FRY: variants seen among roughly 807,000 people sequenced by gnomAD.
The protein encoded by FRY is protein furry homolog.
In FRY, 128 loss-of-function variants were observed where a neutral mutation model predicts 348.4. The ratio of observed to expected loss-of-function variants is 0.37; its 90% CI spans 0.32 to 0.43. The LOEUF (loss-of-function observed/expected upper bound fraction) is 0.43, where lower values mean the gene tolerates loss of function less well. Ranked by LOEUF, FRY falls within the 20% of genes least tolerant of loss-of-function variation. The pLI, the probability that FRY is intolerant of heterozygous loss-of-function variation, is 1.00. For synonymous variants in FRY, 1,370 were observed against 1,374.7 expected, an observed-to-expected ratio of 1.00 and a Z score of 0.08; for missense variants, 2,736 against 3,695.2, an observed-to-expected ratio of 0.74 and a Z score of 6.73.
chr13:32,288,142 A>G (rs1889166240), intron 58 of FRY, among the ~76,000 whole-genome samples: 1 of 152,242 alleles, frequency 6.6e-6, no homozygotes, highest in African/African-American at 2.4e-5. Context: ...TTTGGCACTT[A>G]GGAAAGGCAG....
At chr13:32,169,438 T>C (rs928709508) in intron 17 of FRY, among the ~76,000 whole-genome samples, 1 of 152,160 alleles carries the variant, frequency 6.6e-6, no homozygotes, top group African/African-American at 2.4e-5. Flanking sequence ...TCACGACAGG[T>C]TTATGGAATG....
intron 58 of FRY, among the ~76,000 whole-genome samples, chr13:32,284,800 A>G (rs1332926835): frequency 6.6e-6 from 1 of 152,238 alleles, no homozygotes; most frequent in Non-Finnish European, 1.5e-5. Context: ...AATAGCTACT[A>G]TAGTACACTG....
intron 41 of FRY, 57 bp downstream of exon 41, chr13:32,231,357 G>C: frequency 6.4e-7 from 1 of 1,558,574 alleles, no homozygotes; most frequent in Non-Finnish European, 8.8e-7. Context: ...AATGGACACT[G>C]TCTCTATATG....
At chr13:32,158,951 C>CA (rs35585320) in intron 16 of FRY, among the ~76,000 whole-genome samples, 1,449 of 32,682 alleles carry the variant, frequency 0.044, 56 homozygotes, top group East Asian at 0.17. Flanking sequence ...GCTGTTTCCT[C>CA]AAAAAAAAAA....
intron 8 of FRY, among the ~76,000 whole-genome samples, chr13:32,134,457 G>A (rs1012015890): frequency 2.6e-5 from 4 of 152,328 alleles, no homozygotes; most frequent in African/African-American, 7.2e-5. Context: ...GTCAGGCATA[G>A]GGCCTAAAAT....
chr13:32,161,453 C>T (rs1379160162), intron 17 of FRY, among the ~76,000 whole-genome samples: 3 of 152,188 alleles, frequency 2.0e-5, no homozygotes, highest in East Asian at 1.9e-4. Flanking sequence ...TACGTAAGCA[C>T]GTAAGGTCGC....
chr13:32,049,353 A>G (rs934892706), intron 1 of FRY, among the ~76,000 whole-genome samples: 3 of 152,212 alleles, frequency 2.0e-5, no homozygotes, highest in Admixed American at 2.0e-4. Flanking sequence ...ATACAAAGGC[A>G]AGTTGGGTCA....
At chr13:32,061,611 T>G (rs758352202) in intron 1 of FRY, among the ~76,000 whole-genome samples, 3 of 152,240 alleles carry the variant, frequency 2.0e-5, no homozygotes, top group African/African-American at 4.8e-5. Flanking sequence ...TGTTTTGTTT[T>G]AAACATTGCA....
At chr13:32,124,238 T>C in intron 4 of FRY, 48 bp from the exon 5 acceptor site, 1 of 1,109,920 alleles carries the variant, frequency 9.0e-7, no homozygotes, top group Non-Finnish European at 1.4e-6. Flanking sequence ...TGTATTACTC[T>C]GAGAATACCT....
At position 32,184,730 on chromosome 13, in the gene FRY, A is replaced by G. The variant is rs1193278245; in HGVS notation, c.3146+39A>G. Reference sequence around the variant, plus strand: ...TCTACCGAGTTGCTCTCTTCTCACCAGACTGATCTTTTTGTTTTCTTTCTG... The same window carrying G: ...TCTACCGAGTTGCTCTCTTCTCACCGGACTGATCTTTTTGTTTTCTTTCTG... On this transcript the variant is annotated intron_variant, in intron 25 of 60. Coordinates refer to ENST00000542859, the MANE Select transcript of FRY (RefSeq NM_023037.3). 5 of 1,180,452 alleles carry G rather than the reference A, an allele frequency of 4.2e-6. No individual in the cohort carries two copies. In the Admixed American group the frequency reaches 5.0e-5, roughly 12 times the overall value. 73.1% of individuals were successfully genotyped at this position (1,180,452 alleles called of 1,614,324 possible). A position where few individuals can be genotyped will look rare whatever the true frequency, so the allele number is the denominator to read the frequency against.
chr13:32,109,165 A>T (rs1423105288), intron 3 of FRY, among the ~76,000 whole-genome samples: 1 of 152,238 alleles, frequency 6.6e-6, no homozygotes, highest in Non-Finnish European at 1.5e-5. Context: ...AAGGATAAAC[A>T]TTGGTTGAGA....
chr13:32,222,640 T>C (rs1345027631), intron 36 of FRY, among the ~76,000 whole-genome samples: 3 of 152,204 alleles, frequency 2.0e-5, no homozygotes, highest in African/African-American at 7.2e-5. Flanking sequence ...GTGGTGAAGA[T>C]GGAGAACAGT....
intron 7 of FRY, among the ~76,000 whole-genome samples, chr13:32,128,969 T>C (rs1216966573): frequency 1.3e-5 from 2 of 152,224 alleles, no homozygotes; most frequent in Middle Eastern, 3.4e-3. Flanking sequence ...AGTTCTGGAG[T>C]TGAAGTCCAA....
At chr13:32,192,731 G>A (rs1883418660) in intron 28 of FRY, among the ~76,000 whole-genome samples, 2 of 139,984 alleles carry the variant, frequency 1.4e-5, no homozygotes, top group African/African-American at 5.3e-5. Context: ...AGAGGCACCA[G>A]AATGTTACTT....
At chr13:32,223,188 C>T (rs976077950) in intron 36 of FRY, among the ~76,000 whole-genome samples, 2 of 151,970 alleles carry the variant, frequency 1.3e-5, no homozygotes, top group African/African-American at 4.8e-5. Context: ...GAACTCCTGA[C>T]CTCAAGTGAT....
intron 58 of FRY, among the ~76,000 whole-genome samples, chr13:32,283,294 G>A (rs1262837993): frequency 6.6e-6 from 1 of 152,146 alleles, no homozygotes; most frequent in African/African-American, 2.4e-5. Context: ...AGTGTAGACT[G>A]CCCTATATGG....
chr13:32,031,936 C>G (rs1011089693), intron 1 of FRY, 71 bp downstream of exon 1: 2 of 826,910 alleles, frequency 2.4e-6, no homozygotes, highest in Non-Finnish European at 2.1e-6. Context: ...GACAGAAAAT[C>G]TCAACTGGAC....
intron 55 of FRY, among the ~76,000 whole-genome samples, chr13:32,271,659 G>A (rs1159343124): frequency 6.6e-6 from 1 of 152,212 alleles, no homozygotes; most frequent in Admixed American, 6.5e-5. Flanking sequence ...AGAGAACAAA[G>A]TGGCTATAGG....
intron 42 of FRY, 51 bp downstream of exon 42, chr13:32,234,812 A>G: frequency 7.3e-7 from 1 of 1,372,990 alleles, no homozygotes; most frequent in Non-Finnish European, 1.0e-6. Flanking sequence ...CTCTCATCTC[A>G]ATGAGGTGTA....
Sources: allele counts gnomAD v4.1 joint callset (sites outside exome capture counted in the v4.1 genomes callset), GRCh38; gene constraint gnomAD v4.1.1; transcripts MANE v1.5; gene names NCBI Gene and HGNC (gene_info 2026-07-23, HGNC 2026-07-21).